Variants in FMN2 observed in about 807,000 individuals in gnomAD.
FMN2 encodes the protein formin-2.
Under a neutral mutation model 142.3 loss-of-function variants are expected in FMN2, and 51 were observed. That is an observed-to-expected ratio of 0.36 (90% CI 0.29 to 0.45). The LOEUF (loss-of-function observed/expected upper bound fraction) is 0.45. Ranked by LOEUF, FMN2 falls within the 20% of genes least tolerant of loss-of-function variation. The pLI, the probability that FMN2 is intolerant of heterozygous loss-of-function variation, is 1.00. For missense variants in FMN2, 1,936 were observed against 2,122.8 expected, an observed-to-expected ratio of 0.91 and a Z score of 1.73; for synonymous variants, 882 against 869.8, an observed-to-expected ratio of 1.01 and a Z score of -0.25.
Position 240,092,862 on chromosome 1 carries a change from G to C in FMN2, c.753G>C (p.Arg251=), listed in dbSNP as rs1661041240. ...CCGGGGCCTTCCTGGGCCTGGACCG[G>C]TTCCTGCTGGGGCCGAGCGGCGGGG... The part of the protein sequence containing the change: ...PQPGAFLGLD[R]FLLGPSGGAG... Residue 251 remains arginine, a synonymous_variant, in exon 1 of 18, where the codon CGG becomes CGC. Transcript: ENST00000319653. 3.2e-6 allele frequency: 5 copies of C among 1,542,214 alleles called. No individual in the cohort carries two copies. In the Admixed American group the frequency reaches 5.9e-5, roughly 18 times the overall value.
At chr1:240,112,424 C>G (rs1558300905) in intron 1 of FMN2, among the ~76,000 whole-genome samples, 1 of 151,962 alleles carries the variant, frequency 6.6e-6, no homozygotes, top group Non-Finnish European at 1.5e-5. Context: ...GCCACTGCAT[C>G]TGGACAGGCC....
intron 8 of FMN2, among the ~76,000 whole-genome samples, chr1:240,300,251 A>G (rs147704897): frequency 1.5e-3 from 222 of 152,344 alleles, no homozygotes; most frequent in African/African-American, 5.0e-3. Flanking sequence ...CAGTGTAACT[A>G]TAATAGAAGT....
At chr1:240,340,066 A>C (rs1399364604) in intron 13 of FMN2, among the ~76,000 whole-genome samples, 1 of 152,162 alleles carries the variant, frequency 6.6e-6, no homozygotes, top group East Asian at 1.9e-4. Context: ...AATGTTTTAG[A>C]ACATTCTAAC....
intron 4 of FMN2, among the ~76,000 whole-genome samples, chr1:240,195,617 T>G (rs906910042): frequency 6.6e-6 from 1 of 152,236 alleles, no homozygotes; most frequent in Non-Finnish European, 1.5e-5. Context: ...AATCTAAACC[T>G]GTATTTTTTC....
intron 3 of FMN2, among the ~76,000 whole-genome samples, chr1:240,185,775 G>A (rs1158905777): frequency 2.6e-5 from 4 of 152,178 alleles, no homozygotes; most frequent in Non-Finnish European, 5.9e-5. Flanking sequence ...AATAGAAGAG[G>A]AAGAGAGACT....
intron 7 of FMN2, among the ~76,000 whole-genome samples, chr1:240,283,958 G>A (rs181144320): frequency 1.3e-5 from 2 of 152,222 alleles, no homozygotes; most frequent in African/African-American, 4.8e-5. Flanking sequence ...TCGGCATTGT[G>A]CATTTCTTCT....
intron 8 of FMN2, among the ~76,000 whole-genome samples, chr1:240,302,124 ATTC>A (rs1190207987): frequency 1.3e-5 from 2 of 151,744 alleles, no homozygotes; most frequent in Non-Finnish European, 1.5e-5. Flanking sequence ...TGCTGTCTTT[ATTC>A]TTTTATTCAA....
intron 12 of FMN2, 25 bp from the exon 13 acceptor site, chr1:240,334,084 T>C (rs1164766504): frequency 2.5e-6 from 4 of 1,578,870 alleles, no homozygotes; most frequent in Non-Finnish European, 2.6e-6. Context: ...TTTCTTTAAA[T>C]ATGATGGGGT....
In FMN2 at chr1:240,266,730, T is replaced by C. The variant is rs542157225; in HGVS notation, c.4153+8698T>C. Among the ~76,000 whole-genome samples, 6 of 152,072 alleles carry C rather than the reference T, an allele frequency of 3.9e-5. No individual in the cohort carries two copies. The South Asian group carries it at 1.0e-3, about 26-fold the overall frequency. On this transcript the variant is annotated intron_variant, in intron 7 of 17. Coordinates refer to ENST00000319653, the MANE Select transcript of FMN2 (RefSeq NM_020066.5). ...TATTATTACAGAGACCAAAACAGCA[T>C]GGTACTGGTACAAAAAGACACATAG...
At chr1:240,405,232 A>T (rs1259679909) in intron 15 of FMN2, among the ~76,000 whole-genome samples, 2 of 152,220 alleles carry the variant, frequency 1.3e-5, no homozygotes, top group Non-Finnish European at 2.9e-5. Flanking sequence ...GGCGAAGATA[A>T]TACCAGAAAG....
intron 7 of FMN2, among the ~76,000 whole-genome samples, chr1:240,258,423 A>G (rs1465019451): frequency 2.0e-5 from 3 of 152,116 alleles, no homozygotes; most frequent in Admixed American, 1.3e-4. Context: ...GCAGACTGCC[A>G]TCTTCTCCAT....
At chr1:240,248,099 C>T (rs1175720682) in intron 6 of FMN2, among the ~76,000 whole-genome samples, 1 of 151,944 alleles carries the variant, frequency 6.6e-6, no homozygotes, top group African/African-American at 2.4e-5. Flanking sequence ...ACCTCCCCCT[C>T]CACCACCCAC....
At chr1:240,311,405 AGAG>A (rs988154200) in intron 8 of FMN2, among the ~76,000 whole-genome samples, 1 of 152,214 alleles carries the variant, frequency 6.6e-6, no homozygotes, top group African/African-American at 2.4e-5. Flanking sequence ...AACAAAAATG[AGAG>A]GAGTATTGAC....
intron 15 of FMN2, among the ~76,000 whole-genome samples, chr1:240,404,800 G>A (rs552062556): frequency 3.3e-5 from 5 of 152,328 alleles, no homozygotes; most frequent in Admixed American, 3.3e-4. Context: ...GCCTTGGAAA[G>A]TTATACAAAA....
chr1:240,292,018 C>G (rs773226172), intron 7 of FMN2, among the ~76,000 whole-genome samples: 1 of 152,088 alleles, frequency 6.6e-6, no homozygotes, highest in Non-Finnish European at 1.5e-5. Context: ...GGAACTGAAA[C>G]TTATAAAAAG....
At chr1:240,228,434 C>T (rs1452459314) in intron 6 of FMN2, among the ~76,000 whole-genome samples, 2 of 149,128 alleles carry the variant, frequency 1.3e-5, no homozygotes, top group South Asian at 2.2e-4. Flanking sequence ...TAAAAGGATA[C>T]TATTCAACAC....
intron 16 of FMN2, among the ~76,000 whole-genome samples, chr1:240,448,671 A>G (rs762690617): frequency 1.3e-5 from 2 of 151,994 alleles, no homozygotes; most frequent in Non-Finnish European, 2.9e-5. Context: ...ACAAACAAAA[A>G]TTAGCTTGGC....
At chr1:240,356,532 A>G (rs1328518261) in intron 14 of FMN2, among the ~76,000 whole-genome samples, 2 of 152,234 alleles carry the variant, frequency 1.3e-5, no homozygotes, top group East Asian at 3.8e-4. Flanking sequence ...AAAATTTAAC[A>G]GGAAAAGAAA....
Position 240,207,593 on chromosome 1 carries a change from C to T in FMN2, c.2781C>T (p.Pro927=), listed in dbSNP as rs1163533476. Residue 927 remains proline, a synonymous_variant, in exon 5 of 18, where the codon CCC becomes CCT. Coordinates refer to ENST00000319653, the MANE Select transcript of FMN2 (RefSeq NM_020066.5). The part of the protein sequence containing the change: ...GAGIPPPPPL[P]GAGILPLPPL... ...GCATACCTCCTCCGCCGCCTCTACCCGGAGCAGGCATACTCCCTCTGCCCC... is the reference window on the plus strand; with the variant it reads ...GCATACCTCCTCCGCCGCCTCTACCTGGAGCAGGCATACTCCCTCTGCCCC... The T allele has an allele frequency of 7.5e-6, 12 of 1,590,982 alleles. No individual in the cohort carries two copies. The highest frequency in any genetic ancestry group is 3.4e-5 in the South Asian group (3 of 87,156).
Sources: allele counts gnomAD v4.1 joint callset (sites outside exome capture counted in the v4.1 genomes callset), GRCh38; gene constraint gnomAD v4.1.1; transcripts MANE v1.5; gene names NCBI Gene and HGNC (gene_info 2026-07-23, HGNC 2026-07-21).